The following NCOR2 variants were observed in gnomAD, a reference collection of about 807,000 sequenced individuals.
The protein encoded by NCOR2 is nuclear receptor corepressor 2.
In NCOR2, 81 loss-of-function variants were observed where a neutral mutation model predicts 262.9. The ratio of observed to expected loss-of-function variants is 0.31; its 90% confidence interval spans 0.26 to 0.37. The LOEUF is 0.37. Ranked by LOEUF, NCOR2 falls within the 10% of genes least tolerant of loss-of-function variation. The probability of loss-of-function intolerance (pLI) is 1.00; values close to 1 mark genes in which losing one functional copy is unlikely to be tolerated. For synonymous variants in NCOR2, 1,659 were observed against 1,559.3 expected (o/e 1.06, Z -1.51); for missense variants, 3,385 against 3,621.4 (o/e 0.93, Z 1.68).
chr12:124,407,448 C>T (rs1163183810), intron 13 of NCOR2, among the ~76,000 whole-genome samples: 1 of 152,218 alleles, frequency 6.6e-6, no homozygotes, highest in Non-Finnish European at 1.5e-5. Context: ...GAGGGCCTGG[C>T]CAGGGCTAAC....
intron 5 of NCOR2, among the ~76,000 whole-genome samples, chr12:124,463,006 T>C (rs1237673842): frequency 6.6e-6 from 1 of 152,172 alleles, no homozygotes; most frequent in Admixed American, 6.5e-5. Flanking sequence ...TACATCTCTA[T>C]TGGAAGCAGC....
chr12:124,377,484 T>C (rs572292480), intron 18 of NCOR2, among the ~76,000 whole-genome samples: 6 of 152,300 alleles, frequency 3.9e-5, no homozygotes, highest in Non-Finnish European at 8.8e-5. Context: ...TGTACAATAT[T>C]TACCGACTGA....
At chr12:124,542,049 T>C (rs1049942440) in intron 1 of NCOR2, among the ~76,000 whole-genome samples, 7 of 151,590 alleles carry the variant, frequency 4.6e-5, no homozygotes, top group Admixed American at 1.3e-4. Flanking sequence ...GAGGACACCT[T>C]TGGGTCAATC....
chr12:124,482,783 G>T lies in NCOR2; in HGVS notation c.411+813C>A, dbSNP rs1307707766. 6.6e-6 allele frequency among the ~76,000 whole-genome samples: 1 copy of T among 152,122 alleles called. No individual in the cohort carries two copies. The highest frequency in any genetic ancestry group is 2.4e-5 in the African/African-American group (1 of 41,422). On this transcript the variant is annotated intron_variant, in intron 3 of 46. Coordinates refer to ENST00000405201, the Ensembl canonical transcript of NCOR2. The surrounding 1 kb of genome is among the most constrained non-coding windows in gnomAD (Gnocchi z 6.3). The stretch of plus-strand genomic sequence containing the variant: ...TGGAGATGCAGACGAGCCTGAAGTT[G>T]TCTGGCTCCCCTGCCCAAAGTGCAT...
In NCOR2 at chr12:124,341,459, G is replaced by A. The variant is rs149438888; in HGVS notation, c.5188+364C>T. 8.4e-3 allele frequency among the ~76,000 whole-genome samples: 1,272 copies of A among 152,184 alleles called. 11 individuals are homozygous for A. Among genetic ancestry groups the A allele is most frequent in the African/African-American group, 0.029 (1,209 of 41,508 alleles). ...TCACCATGTTGGTCAGACTGGTCTCGAACTTCTGACCTTGTTATCCACCTG... is the reference window on the plus strand; with the variant it reads ...TCACCATGTTGGTCAGACTGGTCTCAAACTTCTGACCTTGTTATCCACCTG... On this transcript the variant is annotated intron_variant, in intron 34 of 46. Transcript: ENST00000405201.
At chr12:124,533,621 G>A (rs2050965654) in intron 1 of NCOR2, among the ~76,000 whole-genome samples, 1 of 152,164 alleles carries the variant, frequency 6.6e-6, no homozygotes, top group Admixed American at 6.5e-5. Context: ...TTGTCCACAG[G>A]TCTATTCCCA....
rs2035278302 is a variant in NCOR2 at position 124,332,475 on chromosome 12, G to A, written c.6756-8C>T. ...GACTTGGAGCCCATCCTGCTGTGAG[G>A]ATCAAACACCTCACATCAGCTCACT... is the stretch of plus-strand genomic sequence containing the variant. On this transcript the variant is annotated splice_region_variant and splice_polypyrimidine_tract_variant and intron_variant, in intron 42 of 46. Coordinates refer to ENST00000405201, the Ensembl canonical transcript of NCOR2. The A allele has an allele frequency of 6.2e-7, 1 of 1,614,010 alleles. No homozygotes were observed. The highest frequency in any genetic ancestry group is 1.7e-5 in the Admixed American group (1 of 60,002).
intron 1 of NCOR2, among the ~76,000 whole-genome samples, chr12:124,507,182 A>T (rs2049094131): frequency 6.6e-6 from 1 of 152,178 alleles, no homozygotes; most frequent in Non-Finnish European, 1.5e-5. Context: ...AATGGCTGGG[A>T]CCAGGGGCTG....
Position 124,374,312 on chromosome 12 carries a change from G to A in NCOR2, c.2218+101C>T, listed in dbSNP as rs1400168349. 15 of 1,195,992 alleles carry A rather than the reference G, an allele frequency of 1.3e-5. No individual in the cohort carries two copies. The East Asian group carries it at 1.7e-4, about 14-fold the overall frequency. 74.1% of individuals were successfully genotyped at this position (1,195,992 alleles called of 1,614,324 possible). A position where few individuals can be genotyped will look rare whatever the true frequency, so the allele number is the denominator to read the frequency against. On this transcript the variant is annotated intron_variant, in intron 19 of 46. Coordinates refer to ENST00000405201, the Ensembl canonical transcript of NCOR2. Reference sequence around the variant, plus strand: ...ACAAACGGTGGCGCTCACAGAAAGAGGCATGTGCTCAGAAGCGGGGTTCCT... The same window carrying A: ...ACAAACGGTGGCGCTCACAGAAAGAAGCATGTGCTCAGAAGCGGGGTTCCT...
In NCOR2 at chr12:124,566,755, G is replaced by C. The variant is rs138964613; in HGVS notation, c.-165+553C>G. Among the ~76,000 whole-genome samples, 1 of 152,150 alleles carries C rather than the reference G, an allele frequency of 6.6e-6. No individual in the cohort carries two copies. Among genetic ancestry groups the C allele is most frequent in the Non-Finnish European group, 1.5e-5 (1 of 68,008 alleles). ...GGGGGACCAGGGGCGACTCTCCCGA[G>C]GGACCCCGCCCAGCGCCCCGTGGCC... On this transcript the variant is annotated intron_variant, in intron 1 of 32. Transcript: ENST00000458234. The surrounding 1 kb of genome is among the most constrained non-coding windows in gnomAD (Gnocchi z 4.3).
At chr12:124,401,946 C>G (rs1012603601) in intron 14 of NCOR2, among the ~76,000 whole-genome samples, 1 of 152,192 alleles carries the variant, frequency 6.6e-6, no homozygotes, top group Non-Finnish European at 1.5e-5. Context: ...GTGCCTTGAT[C>G]TGCAAGAACT....
At chr12:124,515,716 T>C (rs576983420) in intron 1 of NCOR2, among the ~76,000 whole-genome samples, 2 of 151,632 alleles carry the variant, frequency 1.3e-5, no homozygotes, top group East Asian at 1.9e-4. Context: ...TGACTGTGTG[T>C]ATGGTGTGTA....
At chr12:124,529,202 A>T (rs1177128823) in intron 1 of NCOR2, among the ~76,000 whole-genome samples, 3 of 143,548 alleles carry the variant, frequency 2.1e-5, no homozygotes, top group Non-Finnish European at 4.6e-5. Context: ...AAAAAAAAAA[A>T]CACTCACTAA....
chr12:124,380,531 C>A (rs563436806), intron 17 of NCOR2, among the ~76,000 whole-genome samples: 1 of 152,338 alleles, frequency 6.6e-6, no homozygotes, highest in Non-Finnish European at 1.5e-5. Context: ...GAGCCTCTCC[C>A]AGGAGAGTTC....
intron 4 of NCOR2, among the ~76,000 whole-genome samples, chr12:124,466,870 G>A (rs138919890): frequency 0.013 from 1,941 of 152,110 alleles, 23 homozygotes; most frequent in Non-Finnish European, 0.021. Context: ...TACTACTCTA[G>A]AGAGCCGTTG....
intron 37 of NCOR2, among the ~76,000 whole-genome samples, chr12:124,338,819 G>A (rs116168227): frequency 0.013 from 1,979 of 151,866 alleles, 49 homozygotes; most frequent in African/African-American, 0.045. Context: ...CCAACTCATC[G>A]TCCATCCACT....
At chr12:124,442,755 C>T (rs532035674) in intron 7 of NCOR2, among the ~76,000 whole-genome samples, 1 of 152,308 alleles carries the variant, frequency 6.6e-6, no homozygotes, top group Non-Finnish European at 1.5e-5. Context: ...TAAGCCCCAG[C>T]ACCTCAAAAC....
At chr12:124,333,907 T>C (rs1451107258) in intron 41 of NCOR2, among the ~76,000 whole-genome samples, 1 of 149,552 alleles carries the variant, frequency 6.7e-6, no homozygotes, top group Non-Finnish European at 1.5e-5. Flanking sequence ...CGCGCGCATG[T>C]GTGCGGGTGT....
chr12:124,500,624 C>T (rs1489515272), intron 1 of NCOR2, among the ~76,000 whole-genome samples: 4 of 152,192 alleles, frequency 2.6e-5, no homozygotes, highest in Non-Finnish European at 5.9e-5. Context: ...CCAGAAACCA[C>T]CACACCTGTG....
Sources: allele counts gnomAD v4.1 joint callset (sites outside exome capture counted in the v4.1 genomes callset), GRCh38; gene constraint gnomAD v4.1.1; non-coding constraint Gnocchi (gnomAD v3.1); transcripts MANE v1.5; gene names NCBI Gene and HGNC (gene_info 2026-07-23, HGNC 2026-07-21).